The following ACOT1 variants were observed in gnomAD, a reference collection of about 807,000 sequenced individuals.
ACOT1 encodes acyl-CoA thioesterase 1, also known as acyl-coenzyme A thioesterase 1.
Under a neutral mutation model 15.7 loss-of-function variants are expected in ACOT1, and 8 were observed. The ratio of observed to expected loss-of-function variants is 0.51; its 90% confidence interval spans 0.30 to 0.92. The LOEUF (loss-of-function observed/expected upper bound fraction) is 0.92. Ranked by LOEUF, ACOT1 falls within the 40% of genes least tolerant of loss-of-function variation. ACOT1 has a pLI of 0.06. For missense variants in ACOT1, 151 were observed against 539.4 expected (o/e 0.28, Z 7.13); for synonymous variants, 67 against 241.2 (o/e 0.28, Z 6.69).
chr14:73,493,654 A>G, the ACOT1 span, among the ~76,000 whole-genome samples: 1 of 152,142 alleles, frequency 6.6e-6, no homozygotes. Context: ...CCTGGCCAAC[A>G]TGGCAAAACC....
the ACOT1 span, chr14:73,529,030 T>C: frequency 1.3e-5 from 2 of 151,872 alleles, no homozygotes; most frequent in African/African-American, 2.4e-5. Flanking sequence ...GAGTGGCAGG[T>C]CCTGGGTCCT....
chr14:73,531,754 C>T, the ACOT1 span, among the ~76,000 whole-genome samples: 2 of 113,464 alleles, frequency 1.8e-5, 1 homozygote, highest in Non-Finnish European at 3.8e-5. Flanking sequence ...GGCGCAATGG[C>T]TGACACCTGT....
At chr14:73,529,613 T>C in the ACOT1 span, among the ~76,000 whole-genome samples, 1 of 152,078 alleles carries the variant, frequency 6.6e-6, no homozygotes, top group South Asian at 2.1e-4. Context: ...CAACTCAAAA[T>C]GGGTAGTATC....
chr14:73,493,285 G>A, the ACOT1 span: 2 of 601,762 alleles, frequency 3.3e-6, no homozygotes, highest in African/African-American at 1.9e-5. Context: ...TTTGGAATTT[G>A]GATCTTTCAT....
chr14:73,499,107 C>T, the ACOT1 span: 5 of 1,614,022 alleles, frequency 3.1e-6, no homozygotes, highest in African/African-American at 1.3e-5. Flanking sequence ...CAGTAAGGAT[C>T]TCTCTGCATC....
At chr14:73,522,692 G>T in the ACOT1 span, 2 of 1,614,240 alleles carry the variant, frequency 1.2e-6, no homozygotes, top group Non-Finnish European at 1.7e-6. Context: ...GACGGTGCTG[G>T]CTGGCTTTGA....
At chr14:73,496,466 G>A in the ACOT1 span, 1 of 604,220 alleles carries the variant, frequency 1.7e-6, no homozygotes, top group East Asian at 2.8e-5. Context: ...AAATGATGTG[G>A]CATCTGTGTC....
At chr14:73,514,178 C>G in the ACOT1 span, 1 of 1,614,194 alleles carries the variant, frequency 6.2e-7, no homozygotes, top group Non-Finnish European at 8.5e-7. Flanking sequence ...AGCAGCATAT[C>G]CTTGGCGGGG....
the ACOT1 span, among the ~76,000 whole-genome samples, chr14:73,500,270 T>C: frequency 6.7e-6 from 1 of 148,600 alleles, no homozygotes; most frequent in Non-Finnish European, 1.5e-5. Flanking sequence ...ATGAGAATTA[T>C]GCACGGACCT....
At chr14:73,509,543 C>A in the ACOT1 span, 1 of 1,554,562 alleles carries the variant, frequency 6.4e-7, no homozygotes, top group Non-Finnish European at 8.8e-7. Flanking sequence ...TTCCTTCCTA[C>A]AGCCATGTGG....
chr14:73,501,416 C>T, the ACOT1 span, among the ~76,000 whole-genome samples: 66 of 151,670 alleles, frequency 4.4e-4, no homozygotes, highest in Middle Eastern at 3.4e-3. Context: ...TGAGCCACCG[C>T]GCCCGGCCTT....
At chr14:73,505,297 T>G in the ACOT1 span, among the ~76,000 whole-genome samples, 1 of 152,222 alleles carries the variant, frequency 6.6e-6, no homozygotes, top group Admixed American at 6.5e-5. Flanking sequence ...TACCTTATAT[T>G]TATTGCTTGT....
the ACOT1 span, chr14:73,498,338 C>T: frequency 6.3e-7 from 1 of 1,597,190 alleles, no homozygotes; most frequent in Admixed American, 1.7e-5. Flanking sequence ...CCCAATCTGT[C>T]CCAAAGCTGC....
chr14:73,541,657 T>C lies in ACOT1; in HGVS notation c.622T>C (p.Phe208Leu). 8.0e-7 allele frequency: 1 copy of C among 1,243,614 alleles called. No homozygotes were observed. Among genetic ancestry groups the C allele is most frequent in the Non-Finnish European group, 1.1e-6 (1 of 936,072 alleles). 77.0% of individuals were successfully genotyped at this position (1,243,614 alleles called of 1,614,324 possible). ...KTMETLHLEYFEEAVNYLLSH... is the reference protein window; with the variant it reads ...KTMETLHLEYLEEAVNYLLSH... ...CATGGAGACGCTCCATCTGGAGTAC[T>C]TTGAAGAAGCTGTGAACTACTTGCT... Residue 208 changes from phenylalanine to leucine, a missense_variant, in exon 2 of 3, where the codon TTT (phenylalanine) becomes CTT (leucine). Transcript: ENST00000311148.
At chr14:73,523,177 T>C in the ACOT1 span, 1 of 1,545,044 alleles carries the variant, frequency 6.5e-7, no homozygotes, top group South Asian at 1.2e-5. Flanking sequence ...AATGCTTCCT[T>C]CCACACTGCC....
At chr14:73,508,024 G>T in the ACOT1 span, 1 of 1,024,476 alleles carries the variant, frequency 9.8e-7, no homozygotes, top group East Asian at 2.4e-5. Flanking sequence ...GGGATTACAG[G>T]CATAAGCCAC....
chr14:73,536,663 C>G (rs1888873611), upstream of ACOT1, among the ~76,000 whole-genome samples: 1 of 113,290 alleles, frequency 8.8e-6, no homozygotes, highest in African/African-American at 2.9e-5. Flanking sequence ...GAGGCCGAGG[C>G]GGGCGGATCA....
the ACOT1 span, among the ~76,000 whole-genome samples, chr14:73,504,821 G>A: frequency 1.3e-5 from 2 of 152,220 alleles, no homozygotes; most frequent in East Asian, 3.8e-4. Flanking sequence ...AGGAAGAAGG[G>A]AAAGCTCCCA....
At chr14:73,519,055 T>C in the ACOT1 span, 2 of 1,613,902 alleles carry the variant, frequency 1.2e-6, no homozygotes, top group Non-Finnish European at 1.7e-6. Flanking sequence ...ACTCCACTTT[T>C]CTGGAGTTTC....
Sources: allele counts gnomAD v4.1 joint callset (sites outside exome capture counted in the v4.1 genomes callset), GRCh38; gene constraint gnomAD v4.1.1; transcripts MANE v1.5; gene names NCBI Gene and HGNC (gene_info 2026-07-23, HGNC 2026-07-21).